PCDHGB7: variants seen among roughly 807,000 people sequenced by gnomAD.
The protein encoded by PCDHGB7 is protocadherin gamma subfamily B, 7, also known as protocadherin gamma-B7.
A neutral mutation model predicts 61.4 loss-of-function variants in PCDHGB7; 37 were observed. The ratio of observed to expected loss-of-function variants is 0.60; its 90% CI spans 0.46 to 0.79. The LOEUF is 0.79. Ranked by LOEUF, PCDHGB7 falls within the 30% of genes least tolerant of loss-of-function variation. PCDHGB7 has a pLI of 0.00. For synonymous variants in PCDHGB7, 464 were observed against 503.5 expected (o/e 0.92, Z 1.05); for missense variants, 1,166 against 1,202.5 (o/e 0.97, Z 0.45).
rs775153988 is a variant in PCDHGB7 at position 141,485,268 on chromosome 5, G to A, written c.2416-9539G>A. On this transcript the variant is annotated intron_variant, in intron 1 of 3. Coordinates refer to ENST00000398594, the MANE Select transcript of PCDHGB7 (RefSeq NM_018927.4). This position sits in a 1 kb window ranked among gnomAD's most constrained non-coding sequence, Gnocchi z 5.7. ...CTGGGTTACGTTTGTGGGCAGATCC[G>A]CTACCCGGTCCCAGAGGAGTCACAG... 6.2e-7 allele frequency: 1 copy of A among 1,614,100 alleles called. No homozygotes were observed. Among genetic ancestry groups the A allele is most frequent in the Non-Finnish European group, 8.5e-7 (1 of 1,179,936 alleles).
rs538734954 is a variant in PCDHGB7 at position 141,494,863 on chromosome 5, C to T, written c.2472C>T (p.Ser824=). The change falls in exon 2 of 4, where the codon AGC becomes AGT. Residue 824 remains serine, a splice_region_variant and synonymous_variant. Coordinates refer to ENST00000398594, the MANE Select transcript of PCDHGB7 (RefSeq NM_018927.4). The part of the protein sequence containing the change: ...RFSQAQRPGT[S]GSQNGDDTGT... ...CTCAGGCCCAGAGACCCGGCACCAG[C>T]GGGTAGGTGACTGATTCTCCAGCCC... 2 of 1,614,118 alleles carry T rather than the reference C, an allele frequency of 1.2e-6. No individual in the cohort carries two copies. Among genetic ancestry groups the T allele is most frequent in the East Asian group, 2.2e-5 (1 of 44,874 alleles).
Position 141,418,509 on chromosome 5 carries a change from G to T in PCDHGB7, c.650G>T (p.Gly217Val). ...CACTTGGTACTGACCGCCTTAGATG[G>T]TGGGGACCCTCCCCGAAGCGGTACT... is the stretch of plus-strand genomic sequence containing the variant. ...AHHLVLTALD[G>V]GDPPRSGTAQ... Residue 217 changes from glycine (G) to valine (V), a missense_variant, in exon 1 of 4, where the codon GGT (glycine) becomes GTT (valine). By Grantham distance (109) the Gly-to-Val change is moderately radical. Transcript: ENST00000398594. 1 of 1,613,986 alleles carries T rather than the reference G, an allele frequency of 6.2e-7. No homozygotes were observed. The highest frequency in any genetic ancestry group is 8.5e-7 in the Non-Finnish European group (1 of 1,179,894).
chr5:141,417,703 C>A lies in PCDHGB7; in HGVS notation c.-157C>A. The A allele has an allele frequency of 8.3e-7, 1 of 1,205,130 alleles. No homozygotes were observed. Among genetic ancestry groups the A allele is most frequent in the Non-Finnish European group, 1.1e-6 (1 of 891,778 alleles). The allele number at this position is 1,205,130 out of a possible 1,614,324, so 74.7% of individuals were successfully genotyped here. Reference sequence around the variant, plus strand: ...ACAGAAAAGAAAACCAGCTCCCACACAGAGGCTCCCGGCTGCGCAGACCTT... The same window carrying A: ...ACAGAAAAGAAAACCAGCTCCCACAAAGAGGCTCCCGGCTGCGCAGACCTT... On this transcript the variant is annotated 5_prime_UTR_variant, in exon 1 of 4. Coordinates refer to ENST00000398594, the MANE Select transcript of PCDHGB7 (RefSeq NM_018927.4).
rs201006002 is a variant in PCDHGB7, at chr5:141,432,497, C to T, written c.2415+12223C>T. 7 of 1,614,062 alleles carry T rather than the reference C, an allele frequency of 4.3e-6. 1 individual carries two copies. In the South Asian group the frequency reaches 6.6e-5, roughly 15 times the overall value. On this transcript the variant is annotated intron_variant, in intron 1 of 3. Transcript: ENST00000398594. This position sits in a 1 kb window ranked among gnomAD's most constrained non-coding sequence, Gnocchi z 6.0. Reference sequence around the variant, plus strand: ...TTCCACTGGCGTGGAGCTGGCTCCCCGCTCCGCAGAGCCCGGCTACCTGGT... The same window carrying T: ...TTCCACTGGCGTGGAGCTGGCTCCCTGCTCCGCAGAGCCCGGCTACCTGGT...
rs528779386 is a variant in PCDHGB7, at chr5:141,509,416, C to T, written c.2564-1531C>T. Among the ~76,000 whole-genome samples, 4 of 152,258 alleles carry T rather than the reference C, an allele frequency of 2.6e-5. No individual in the cohort carries two copies. In the East Asian group the frequency reaches 7.7e-4, roughly 29 times the overall value. ...TCTCAGGGCCTCCAGCAGCGAGCCCCAATGAGTCAAACTCTTGTTTCCTCC... is the reference window on the plus strand; with the variant it reads ...TCTCAGGGCCTCCAGCAGCGAGCCCTAATGAGTCAAACTCTTGTTTCCTCC... On this transcript the variant is annotated intron_variant, in intron 3 of 3. Transcript: ENST00000398594.
rs779065098 is a variant in PCDHGB7 at position 141,491,758 on chromosome 5, C to T, written c.2416-3049C>T. 1.8e-5 allele frequency: 29 copies of T among 1,578,670 alleles called. No homozygotes were observed. Among genetic ancestry groups the T allele is most frequent in the Non-Finnish European group, 2.2e-5 (26 of 1,163,530 alleles). ...TGGGGGCGGCACTGGAGAAGCCGCC[C>T]GTCCTCATAAGGGATTGAACTTGCA... On this transcript the variant is annotated intron_variant, in intron 1 of 3. Transcript: ENST00000398594. The surrounding 1 kb of genome is among the most constrained non-coding windows in gnomAD (Gnocchi z 6.9).
chr5:141,490,065 C>A lies in PCDHGB7; in HGVS notation c.2416-4742C>A, dbSNP rs1161257597. ...CTGATCCAGACGAGGGCACCAACGG[C>A]CAACTAGACTATTCTTTTGGAGACC... On this transcript the variant is annotated intron_variant, in intron 1 of 3. Coordinates refer to ENST00000398594, the MANE Select transcript of PCDHGB7 (RefSeq NM_018927.4). This position sits in a 1 kb window ranked among gnomAD's most constrained non-coding sequence, Gnocchi z 5.4. 1 of 1,614,258 alleles carries A rather than the reference C, an allele frequency of 6.2e-7. No individual in the cohort carries two copies. Among genetic ancestry groups the A allele is most frequent in the South Asian group, 1.1e-5 (1 of 91,090 alleles).
intron 1 of PCDHGB7, chr5:141,422,812 T>C: frequency 6.2e-7 from 1 of 1,614,206 alleles, no homozygotes; most frequent in South Asian, 1.1e-5. Context: ...GTTTCGAGAC[T>C]TAGAACTGAG....
In PCDHGB7 at chr5:141,418,345, T is replaced by C; in HGVS notation, c.486T>C (p.Ile162=). ...TILESAEDPD[I]SMNSLSKYQL... is the part of the protein sequence containing the mutation. ...TTGAGTCTGCAGAAGATCCTGATAT[T>C]AGTATGAATTCGCTGAGCAAATACC... Residue 162 remains isoleucine (I), a synonymous_variant, in exon 1 of 4, where the codon ATT becomes ATC. Coordinates refer to ENST00000398594, the MANE Select transcript of PCDHGB7 (RefSeq NM_018927.4). The C allele has an allele frequency of 6.2e-7, 1 of 1,614,000 alleles. No homozygotes were observed. Among genetic ancestry groups the C allele is most frequent in the Non-Finnish European group, 8.5e-7 (1 of 1,179,892 alleles).
intron 1 of PCDHGB7, chr5:141,427,795 C>A: frequency 6.7e-7 from 1 of 1,499,260 alleles, no homozygotes; most frequent in Non-Finnish European, 9.2e-7. Context: ...TCCTACGTGT[C>A]CGTGAGCGCA....
rs1195194477 is a variant in PCDHGB7, at chr5:141,432,620, C to G, written c.2415+12346C>G. On this transcript the variant is annotated intron_variant, in intron 1 of 3. Transcript: ENST00000398594. The surrounding 1 kb of genome is among the most constrained non-coding windows in gnomAD (Gnocchi z 6.0). ...CGAGCCGGGACTCTTCTCGGTGGGTCTGCACACGGGCGAGGTGCGCACGGC... is the reference window on the plus strand; with the variant it reads ...CGAGCCGGGACTCTTCTCGGTGGGTGTGCACACGGGCGAGGTGCGCACGGC... 6 of 1,613,190 alleles carry G rather than the reference C, an allele frequency of 3.7e-6. No individual in the cohort carries two copies. Among genetic ancestry groups the G allele is most frequent in the Admixed American group, 1.7e-5 (1 of 59,978 alleles).
At chr5:141,430,931 G>C (rs781580216) in intron 1 of PCDHGB7, 2 of 1,607,530 alleles carry the variant, frequency 1.2e-6, no homozygotes, top group Admixed American at 1.7e-5. Flanking sequence ...GGAGCCCCGG[G>C]AGCTCGCGGA....
chr5:141,505,302 G>GTAC, intron 2 of PCDHGB7, 91 bp from the exon 3 acceptor site: 5 of 1,592,714 alleles, frequency 3.1e-6, no homozygotes, highest in Non-Finnish European at 4.3e-6. Context: ...TAGGGTTAGG[G>GTAC]TACTAGGTTT....
chr5:141,422,563 G>A, intron 1 of PCDHGB7: 3 of 1,613,986 alleles, frequency 1.9e-6, no homozygotes, highest in African/African-American at 1.3e-5. Flanking sequence ...TGTGGCAGAT[G>A]ACAACGATAA....
chr5:141,483,606 C>T (rs1460635551), intron 1 of PCDHGB7, among the ~76,000 whole-genome samples: 1 of 151,984 alleles, frequency 6.6e-6, no homozygotes, highest in Non-Finnish European at 1.5e-5. Flanking sequence ...CTGGTTTACA[C>T]CTCCATCATT....
rs765535731 is a variant in PCDHGB7, at chr5:141,427,976, G to T, written c.2415+7702G>T. On this transcript the variant is annotated intron_variant, in intron 1 of 3. Transcript: ENST00000398594. ...ATGTGCCGCGGGTGCTGTACCCCGC[G>T]CTGGGGCCCGATGGCTCCGCACTCT... 1.1e-5 allele frequency: 17 copies of T among 1,594,884 alleles called. No individual in the cohort carries two copies. The East Asian group carries it at 1.6e-4, about 15-fold the overall frequency.
intron 1 of PCDHGB7, chr5:141,422,160 A>C: frequency 6.4e-7 from 1 of 1,573,304 alleles, no homozygotes; most frequent in South Asian, 1.2e-5. Context: ...TGGATTTTGA[A>C]AAATATAGAT....
intron 1 of PCDHGB7, chr5:141,423,007 G>C (rs772337723): frequency 1.9e-6 from 3 of 1,614,242 alleles, no homozygotes; most frequent in Non-Finnish European, 2.5e-6. Flanking sequence ...CAAGGTGGTT[G>C]CGGTGGACAA....
At chr5:141,423,250 G>T in intron 1 of PCDHGB7, 1 of 1,613,954 alleles carries the variant, frequency 6.2e-7, no homozygotes, top group Non-Finnish European at 8.5e-7. Context: ...AGTCCTGGCG[G>T]ACCTCGGCAG....
Sources: gnomAD v4.1 joint callset for allele counts (sites outside exome capture counted in the v4.1 genomes callset) on GRCh38, gnomAD v4.1.1 for gene constraint, Gnocchi (gnomAD v3.1) non-coding constraint, MANE v1.5 for transcripts, NCBI Gene and HGNC (gene_info 2026-07-23, HGNC 2026-07-21) for gene names.